The following TTC28 variants were observed in gnomAD, a reference collection of about 807,000 sequenced individuals.
TTC28 encodes the protein tetratricopeptide repeat protein 28.
A neutral mutation model predicts 198.0 loss-of-function variants in TTC28; 61 were observed. That is an observed-to-expected ratio of 0.31 (90% confidence interval 0.25 to 0.38). The LOEUF (loss-of-function observed/expected upper bound fraction) is 0.38, where lower values mean the gene tolerates loss of function less well. Among genes scored for constraint, TTC28 ranks in the 10% least tolerant of loss-of-function variants. The probability of loss-of-function intolerance (pLI) is 1.00; values close to 1 mark genes in which losing one functional copy is unlikely to be tolerated. For synonymous variants in TTC28, 1,171 were observed against 1,297.8 expected, an observed-to-expected ratio of 0.90 and a Z score of 2.10; for missense variants, 2,678 against 3,164.0, an observed-to-expected ratio of 0.85 and a Z score of 3.69.
intron 5 of TTC28, among the ~76,000 whole-genome samples, chr22:28,273,689 G>A (rs1479058896): frequency 2.0e-5 from 3 of 152,128 alleles, no homozygotes; most frequent in Non-Finnish European, 4.4e-5. Flanking sequence ...AGTATTTGAA[G>A]AGATAGTAGC....
intron 2 of TTC28, among the ~76,000 whole-genome samples, chr22:28,345,775 A>AC (rs1218443893): frequency 6.6e-6 from 1 of 152,228 alleles, no homozygotes; most frequent in Non-Finnish European, 1.5e-5. Flanking sequence ...TCATGAAATT[A>AC]CAGGGCTTGA....
rs557398292 is a variant in TTC28, at chr22:28,140,370, G to A, written c.1441+22722C>T. Among the ~76,000 whole-genome samples the A allele has an allele frequency of 9.2e-5, 14 of 152,262 alleles. No individual in the cohort carries two copies. In the South Asian group the frequency reaches 2.7e-3, roughly 29 times the overall value. On this transcript the variant is annotated intron_variant, in intron 6 of 22. Coordinates refer to ENST00000397906, the MANE Select transcript of TTC28 (RefSeq NM_001145418.2). Reference sequence around the variant, plus strand: ...AGCTAACGGCTCTAGAACTAATAAGGTCCCAGTGGACTTTTTCTTTAAAGA... The same window carrying A: ...AGCTAACGGCTCTAGAACTAATAAGATCCCAGTGGACTTTTTCTTTAAAGA...
At chr22:28,401,435 G>C (rs2046907708) in intron 2 of TTC28, among the ~76,000 whole-genome samples, 1 of 152,068 alleles carries the variant, frequency 6.6e-6, no homozygotes, top group South Asian at 2.1e-4. Flanking sequence ...GGCCAACATG[G>C]TGAAACCCCA....
At chr22:28,116,398 G>A (rs1942631722) in intron 6 of TTC28, among the ~76,000 whole-genome samples, 1 of 152,232 alleles carries the variant, frequency 6.6e-6, no homozygotes, top group East Asian at 1.9e-4. Flanking sequence ...GAGGTGGCTG[G>A]AGAGGGGTGC....
chr22:28,144,065 C>A (rs1416847079), intron 6 of TTC28, among the ~76,000 whole-genome samples: 1 of 152,194 alleles, frequency 6.6e-6, no homozygotes, highest in African/African-American at 2.4e-5. Flanking sequence ...CAGTCCAATA[C>A]CAGCCACTAT....
chr22:28,014,305 C>T lies in TTC28; in HGVS notation c.4161G>A (p.Ser1387=), dbSNP rs956351054. 50 of 1,551,522 alleles carry T rather than the reference C, an allele frequency of 3.2e-5. No homozygotes were observed. The highest frequency in any genetic ancestry group is 5.9e-5 in the Admixed American group (3 of 50,978). Residue 1387 remains serine (S), a synonymous_variant, in exon 14 of 23, where the codon TCG becomes TCA. Coordinates refer to ENST00000397906, the MANE Select transcript of TTC28 (RefSeq NM_001145418.2). ...GTSSLPRRQS[S]FAKPPLRALY... ...GGGCACGGAGCGGGGGCTTGGCAAA[C>T]GAGCTCTGCCTCCTGGGAAGAGAGG... is the stretch of plus-strand genomic sequence containing the variant.
chr22:28,494,471 C>A (rs973360442), intron 2 of TTC28, among the ~76,000 whole-genome samples: 1 of 152,198 alleles, frequency 6.6e-6, no homozygotes, highest in Non-Finnish European at 1.5e-5. Context: ...AAACTGCCAA[C>A]TACCCCTCAC....
At chr22:28,057,203 A>C (rs937710168) in intron 12 of TTC28, among the ~76,000 whole-genome samples, 6 of 152,208 alleles carry the variant, frequency 3.9e-5, no homozygotes, top group African/African-American at 1.4e-4. Flanking sequence ...GTTTCATAAA[A>C]CTGTTCAAAC....
At chr22:28,006,336 C>T (rs1353748505) in intron 14 of TTC28, among the ~76,000 whole-genome samples, 1 of 152,216 alleles carries the variant, frequency 6.6e-6, no homozygotes, top group Non-Finnish European at 1.5e-5. Context: ...AAGCATCTAG[C>T]CCCATGCCTG....
intron 13 of TTC28, among the ~76,000 whole-genome samples, chr22:28,026,877 C>T (rs191019068): frequency 9.7e-4 from 147 of 152,298 alleles, no homozygotes; most frequent in Non-Finnish European, 1.8e-3. Flanking sequence ...ATGCTTGTTG[C>T]GCCAATGGTG....
chr22:28,228,332 G>T (rs1601505385), intron 5 of TTC28, among the ~76,000 whole-genome samples: 1 of 152,168 alleles, frequency 6.6e-6, no homozygotes, highest in Admixed American at 6.5e-5. Context: ...TAATGGCACT[G>T]AACTGTGTAG....
In TTC28 at chr22:28,140,368, A is replaced by G. The variant is rs760533116; in HGVS notation, c.1441+22724T>C. On this transcript the variant is annotated intron_variant, in intron 6 of 22. Transcript: ENST00000397906. ...GCAGCTAACGGCTCTAGAACTAATA[A>G]GGTCCCAGTGGACTTTTTCTTTAAA... Among the ~76,000 whole-genome samples the G allele has an allele frequency of 3.9e-4, 59 of 152,202 alleles. 1 individual carries two copies. The highest frequency in any genetic ancestry group is 2.6e-4 in the Admixed American group (4 of 15,280).
chr22:28,624,450 G>A (rs1253080638), intron 2 of TTC28, among the ~76,000 whole-genome samples: 1 of 151,432 alleles, frequency 6.6e-6, no homozygotes, highest in Non-Finnish European at 1.5e-5. Context: ...GATAATAAAG[G>A]AATATTAACA....
At chr22:28,115,819 T>C (rs1309960873) in intron 6 of TTC28, among the ~76,000 whole-genome samples, 1 of 152,222 alleles carries the variant, frequency 6.6e-6, no homozygotes, top group East Asian at 1.9e-4. Flanking sequence ...ATTGAGAGTT[T>C]GGTGGCCACT....
chr22:28,084,256 C>T (rs139572246), intron 12 of TTC28, among the ~76,000 whole-genome samples: 79 of 152,310 alleles, frequency 5.2e-4, no homozygotes, highest in Non-Finnish European at 1.0e-3. Context: ...CTGGGAAGCA[C>T]ACCCCAGTAG....
chr22:28,092,122 T>A (rs573801312), intron 12 of TTC28, among the ~76,000 whole-genome samples: 9 of 152,360 alleles, frequency 5.9e-5, no homozygotes, highest in African/African-American at 2.2e-4. Context: ...TGGTTGCTCA[T>A]GTAAATATAC....
At chr22:28,196,028 T>C (rs942548662) in intron 5 of TTC28, among the ~76,000 whole-genome samples, 1 of 151,846 alleles carries the variant, frequency 6.6e-6, no homozygotes, top group African/African-American at 2.4e-5. Context: ...GCTACCTGAC[T>C]TCAAACTATA....
chr22:28,437,814 T>C (rs1158376667), intron 2 of TTC28, among the ~76,000 whole-genome samples: 1 of 152,050 alleles, frequency 6.6e-6, no homozygotes, highest in African/African-American at 2.4e-5. Context: ...GCTAGACATG[T>C]GTTTTTTTAA....
intron 5 of TTC28, among the ~76,000 whole-genome samples, chr22:28,203,055 T>C (rs1288205776): frequency 6.6e-6 from 1 of 152,218 alleles, no homozygotes; most frequent in Admixed American, 6.5e-5. Context: ...TTTCCAATTT[T>C]ATATAAATAA....
Sources: allele counts gnomAD v4.1 joint callset (sites outside exome capture counted in the v4.1 genomes callset), GRCh38; gene constraint gnomAD v4.1.1; transcripts MANE v1.5; gene names NCBI Gene and HGNC (gene_info 2026-07-23, HGNC 2026-07-21).